JAM3: variants seen among roughly 807,000 people sequenced by gnomAD.
The protein encoded by JAM3 is junctional adhesion molecule C.
A neutral mutation model predicts 39.4 loss-of-function variants in JAM3; 31 were observed. The observed-to-expected ratio is 0.79, with a 90% CI of 0.59 to 1.06. The LOEUF is 1.06. Ranked by LOEUF, JAM3 falls within the 50% of genes least tolerant of loss-of-function variation. The pLI is 0.00. For missense variants in JAM3, 455 were observed against 391.4 expected (o/e 1.16, Z -1.37); for synonymous variants, 182 against 148.7 (o/e 1.22, Z -1.63).
At chr11:134,136,786 G>C (rs1476967743) in intron 1 of JAM3, among the ~76,000 whole-genome samples, 3 of 152,184 alleles carry the variant, frequency 2.0e-5, no homozygotes, top group African/African-American at 7.2e-5. Context: ...TAGGATAGTT[G>C]AACAAGAGAG....
At chr11:134,114,470 G>T (rs1942382519) in intron 1 of JAM3, among the ~76,000 whole-genome samples, 1 of 152,120 alleles carries the variant, frequency 6.6e-6, no homozygotes, top group Non-Finnish European at 1.5e-5. Flanking sequence ...TTTTTGTCAG[G>T]TTTGTCAAAG....
At chr11:134,106,989 C>G (rs1942204150) in intron 1 of JAM3, among the ~76,000 whole-genome samples, 1 of 152,110 alleles carries the variant, frequency 6.6e-6, no homozygotes. Context: ...TGGGTATATA[C>G]CCAAAGGATT....
At chr11:134,127,508 G>T (rs1383416579) in intron 1 of JAM3, among the ~76,000 whole-genome samples, 1 of 152,134 alleles carries the variant, frequency 6.6e-6, no homozygotes, top group African/African-American at 2.4e-5. Context: ...AGACCAGCCT[G>T]GCCAACATGG....
chr11:134,111,920 C>T (rs1942319567), intron 1 of JAM3, among the ~76,000 whole-genome samples: 1 of 152,168 alleles, frequency 6.6e-6, no homozygotes, highest in Non-Finnish European at 1.5e-5. Flanking sequence ...ATCCAAACAC[C>T]TCAGCGATCT....
At chr11:134,146,417 T>C (rs887585320) in intron 6 of JAM3, among the ~76,000 whole-genome samples, 13 of 152,194 alleles carry the variant, frequency 8.5e-5, no homozygotes, top group Non-Finnish European at 1.8e-4. Flanking sequence ...CTGACAGTTT[T>C]AGCCCGAGTA....
intron 1 of JAM3, among the ~76,000 whole-genome samples, chr11:134,134,341 G>A (rs1435704244): frequency 4.0e-5 from 5 of 126,530 alleles, no homozygotes; most frequent in African/African-American, 6.1e-5. Context: ...CCAAATTAAT[G>A]CCAGACACTA....
intron 1 of JAM3, among the ~76,000 whole-genome samples, chr11:134,098,758 G>A (rs546239314): frequency 5.9e-5 from 9 of 152,270 alleles, no homozygotes; most frequent in Admixed American, 1.3e-4. Context: ...GAGCTAGCTT[G>A]CAGGTGGAGC....
intron 1 of JAM3, among the ~76,000 whole-genome samples, chr11:134,109,179 C>T (rs1435478889): frequency 2.0e-5 from 3 of 152,118 alleles, no homozygotes; most frequent in Non-Finnish European, 2.9e-5. Context: ...CCAGGCTGGT[C>T]TCAAACTCCT....
At chr11:134,136,256 G>T (rs964182886) in intron 1 of JAM3, among the ~76,000 whole-genome samples, 2 of 152,160 alleles carry the variant, frequency 1.3e-5, no homozygotes, top group African/African-American at 4.8e-5. Context: ...GAGTATTCCT[G>T]TAGCACTGGA....
intron 1 of JAM3, among the ~76,000 whole-genome samples, chr11:134,118,255 A>T (rs191938929): frequency 5.3e-5 from 8 of 152,292 alleles, no homozygotes; most frequent in African/African-American, 1.4e-4. Context: ...TTATGTGTTC[A>T]TCTGTGCTTT....
At chr11:134,103,291 C>A (rs1942113424) in intron 1 of JAM3, among the ~76,000 whole-genome samples, 1 of 152,044 alleles carries the variant, frequency 6.6e-6, no homozygotes, top group East Asian at 1.9e-4. Flanking sequence ...GAAATAAAAT[C>A]CTTTAGAGAC....
chr11:134,114,036 G>A (rs1365253042), intron 1 of JAM3, among the ~76,000 whole-genome samples: 3 of 150,250 alleles, frequency 2.0e-5, no homozygotes, highest in Admixed American at 6.6e-5. Flanking sequence ...TTGTTGATGG[G>A]TTTGTTTGTT....
chr11:134,077,358 G>A (rs2509224), intron 1 of JAM3, among the ~76,000 whole-genome samples: 5,775 of 150,412 alleles, frequency 0.038, 287 homozygotes, highest in East Asian at 0.25. Context: ...GTGTGTCAAG[G>A]ATGCCTTTTT....
At chr11:134,092,282 T>A (rs1431930097) in intron 1 of JAM3, among the ~76,000 whole-genome samples, 1 of 152,114 alleles carries the variant, frequency 6.6e-6, no homozygotes, top group Admixed American at 6.5e-5. Flanking sequence ...GGAGCCCTCC[T>A]TATTCATCAT....
chr11:134,079,871 C>G (rs751905414), intron 1 of JAM3, among the ~76,000 whole-genome samples: 1 of 152,214 alleles, frequency 6.6e-6, no homozygotes, highest in Non-Finnish European at 1.5e-5. Context: ...ATATCTTCCT[C>G]TTCTGAAAAT....
At chr11:134,143,169 CAG>C (rs911654623) in intron 3 of JAM3, among the ~76,000 whole-genome samples, 17 of 152,142 alleles carry the variant, frequency 1.1e-4, no homozygotes, top group African/African-American at 3.6e-4. Context: ...AAAAAACCGA[CAG>C]AGTGTTTTTC....
chr11:134,094,231 C>G (rs528856728), intron 1 of JAM3, among the ~76,000 whole-genome samples: 111 of 130,262 alleles, frequency 8.5e-4, no homozygotes, highest in African/African-American at 3.2e-3. Flanking sequence ...AGGGAAGCTT[C>G]TCCTGAACCC....
rs559225363 is a variant in JAM3 at position 134,136,840 on chromosome 11, G to A, written c.77-3011G>A. On this transcript the variant is annotated intron_variant, in intron 1 of 8. Coordinates refer to ENST00000299106, the MANE Select transcript of JAM3 (RefSeq NM_032801.5). ...ATTAAGAAGTATAAAAAGGCCGGGC[G>A]CAGTGGCTCACGCCTGTAATCCCAG... 4.6e-5 allele frequency among the ~76,000 whole-genome samples: 7 copies of A among 152,286 alleles called. No individual in the cohort carries two copies. In the South Asian group the frequency reaches 6.2e-4, roughly 14 times the overall value.
intron 1 of JAM3, among the ~76,000 whole-genome samples, chr11:134,076,898 G>C (rs1420553697): frequency 1.4e-5 from 2 of 147,684 alleles, no homozygotes; most frequent in Non-Finnish European, 3.0e-5. Flanking sequence ...GCAGTGGTGC[G>C]ATCTCGGCTC....
Sources: gnomAD v4.1 joint callset for allele counts (sites outside exome capture counted in the v4.1 genomes callset) on GRCh38, gnomAD v4.1.1 for gene constraint, MANE v1.5 for transcripts, NCBI Gene and HGNC (gene_info 2026-07-23, HGNC 2026-07-21) for gene names.